The following GOLIM4 variants were observed in gnomAD, a reference collection of about 807,000 sequenced individuals.
The protein encoded by GOLIM4 is golgi integral membrane protein 4.
GOLIM4 carries 71 observed loss-of-function variants against 107.4 expected under a neutral mutation model. That is an observed-to-expected ratio of 0.66 (90% CI 0.55 to 0.81). The LOEUF (loss-of-function observed/expected upper bound fraction) is 0.81, where lower values mean the gene tolerates loss of function less well. Among genes scored for constraint, GOLIM4 ranks in the 30% least tolerant of loss-of-function variants. The pLI is 0.00. For synonymous variants in GOLIM4, 327 were observed against 294.8 expected, an observed-to-expected ratio of 1.11 and a Z score of -1.12; for missense variants, 830 against 826.1, an observed-to-expected ratio of 1.00 and a Z score of -0.06.
At chr3:168,061,963 T>A (rs1036354008) in intron 1 of GOLIM4, among the ~76,000 whole-genome samples, 4 of 152,208 alleles carry the variant, frequency 2.6e-5, no homozygotes, top group African/African-American at 9.6e-5. Context: ...ATTCGTGTAC[T>A]TTTGTGAATG....
intron 15 of GOLIM4, 86 bp downstream of exon 15, chr3:168,010,657 G>T: frequency 9.8e-7 from 1 of 1,015,268 alleles, no homozygotes; most frequent in Non-Finnish European, 1.5e-6. Flanking sequence ...CCACTGGTAC[G>T]TATCCCAAAT....
intron 14 of GOLIM4, among the ~76,000 whole-genome samples, chr3:168,022,372 CACA>C (rs1269992141): frequency 2.0e-5 from 3 of 151,958 alleles, no homozygotes; most frequent in African/African-American, 7.3e-5. Context: ...TGCACAGTTC[CACA>C]ACATTTCATG....
chr3:168,048,889 T>G (rs1205747383), intron 1 of GOLIM4, among the ~76,000 whole-genome samples: 1 of 152,078 alleles, frequency 6.6e-6, no homozygotes, highest in Non-Finnish European at 1.5e-5. Flanking sequence ...ACCACTGGAA[T>G]GAAAGAGGAG....
Position 168,095,447 on chromosome 3 carries a change from C to T in GOLIM4, c.-162G>A. 8 of 585,812 alleles carry T rather than the reference C, an allele frequency of 1.4e-5. No individual in the cohort carries two copies. The highest frequency in any genetic ancestry group is 2.3e-5 in the Non-Finnish European group (8 of 344,946). 36.3% of individuals were successfully genotyped at this position (585,812 alleles called of 1,614,324 possible). ...CGGAGGGGAAGTGGCGCCCGCTCAG[C>T]CCCCGCGCGGCGCGGGGCGCGCAGC... On this transcript the variant is annotated 5_prime_UTR_variant, in exon 1 of 16. Transcript: ENST00000470487.
intron 12 of GOLIM4, among the ~76,000 whole-genome samples, chr3:168,026,711 C>T (rs79488466): frequency 6.6e-6 from 1 of 152,296 alleles, no homozygotes; most frequent in East Asian, 1.9e-4. Context: ...TTTCTGCTCT[C>T]AAGTATTAGC....
chr3:168,046,121 C>T (rs1719289910), intron 3 of GOLIM4, among the ~76,000 whole-genome samples: 1 of 152,178 alleles, frequency 6.6e-6, no homozygotes, highest in Non-Finnish European at 1.5e-5. Flanking sequence ...AATCCTCCTG[C>T]CTCAGCCTCC....
intron 7 of GOLIM4, among the ~76,000 whole-genome samples, chr3:168,038,974 A>G (rs1718814288): frequency 6.6e-6 from 1 of 152,198 alleles, no homozygotes; most frequent in African/African-American, 2.4e-5. Flanking sequence ...AGAATTCAAC[A>G]GTCTGCAACC....
chr3:168,072,010 T>C (rs886449823), intron 1 of GOLIM4, among the ~76,000 whole-genome samples: 1 of 151,922 alleles, frequency 6.6e-6, no homozygotes, highest in Non-Finnish European at 1.5e-5. Flanking sequence ...AGAGAAAAAG[T>C]TTAATTTTAT....
At chr3:168,077,189 C>T (rs868762749) in intron 1 of GOLIM4, among the ~76,000 whole-genome samples, 17 of 152,132 alleles carry the variant, frequency 1.1e-4, no homozygotes, top group Admixed American at 3.3e-4. Flanking sequence ...ACTCATCATG[C>T]CAAATTCTTC....
chr3:168,043,323 A>C, intron 5 of GOLIM4, 56 bp downstream of exon 5: 1 of 1,232,302 alleles, frequency 8.1e-7, no homozygotes, highest in South Asian at 1.4e-5. Flanking sequence ...GTTGCACTGA[A>C]ACATTAATAT....
At position 168,009,430 on chromosome 3, in the gene GOLIM4, C is replaced by CAAAAAAAAACA. The variant is rs1553791610; in HGVS notation, c.*838_*839insTGTTTTTTTTT. The CAAAAAAAAACA allele has an allele frequency of 1.3e-5, 1 of 77,496 alleles. No individual in the cohort carries two copies. The highest frequency in any genetic ancestry group is 2.8e-5 in the Non-Finnish European group (1 of 35,462). 4.8% of individuals were successfully genotyped at this position (77,496 alleles called of 1,614,324 possible). On this transcript the variant is annotated 3_prime_UTR_variant, in exon 16 of 16. Coordinates refer to ENST00000470487, the MANE Select transcript of GOLIM4 (RefSeq NM_014498.5). ...AAGAATATCAATCAATGGCTTCAAA[C>CAAAAAAAAACA]AAAAAAAAAAAAAAAAAATTGAGAA... is the stretch of plus-strand genomic sequence containing the variant.
chr3:168,047,104 G>A, intron 2 of GOLIM4, 105 bp from the exon 3 acceptor site: 1 of 572,498 alleles, frequency 1.7e-6, no homozygotes, highest in Non-Finnish European at 3.1e-6. Flanking sequence ...AAGTGTTTTA[G>A]GTTTAAAACA....
rs754843716 is a variant in GOLIM4, at chr3:168,095,307, C to A, written c.-22G>T. Reference sequence around the variant, plus strand: ...CCATAGTCCCGCCTGGACCCAAAGCCGCGGCCGCCCCCGCCGTCTCCTCCC... The same window carrying A: ...CCATAGTCCCGCCTGGACCCAAAGCAGCGGCCGCCCCCGCCGTCTCCTCCC... On this transcript the variant is annotated 5_prime_UTR_variant, in exon 1 of 16. Transcript: ENST00000470487. The A allele has an allele frequency of 6.2e-7, 1 of 1,603,530 alleles. No individual in the cohort carries two copies.
chr3:168,009,443 A>AAAAAAAAAAAAAAAAAG lies in GOLIM4; in HGVS notation c.*825_*826insCTTTTTTTTTTTTTTTT, dbSNP rs1716866667. 1 of 149,644 alleles carries AAAAAAAAAAAAAAAAAG rather than the reference A, an allele frequency of 6.7e-6. No individual in the cohort carries two copies. Among genetic ancestry groups the AAAAAAAAAAAAAAAAAG allele is most frequent in the Non-Finnish European group, 1.5e-5 (1 of 67,252 alleles). 9.3% of individuals were successfully genotyped at this position (149,644 alleles called of 1,614,324 possible). On this transcript the variant is annotated 3_prime_UTR_variant, in exon 16 of 16. Coordinates refer to ENST00000470487, the MANE Select transcript of GOLIM4 (RefSeq NM_014498.5). ...AATGGCTTCAAACAAAAAAAAAAAA[A>AAAAAAAAAAAAAAAAAG]AAAAATTGAGAATGGGTGCTCGCAT...
intron 3 of GOLIM4, among the ~76,000 whole-genome samples, chr3:168,045,117 C>T (rs1719225226): frequency 6.6e-6 from 1 of 152,192 alleles, no homozygotes; most frequent in Admixed American, 6.5e-5. Flanking sequence ...AATCATAAAA[C>T]AGTAGCTTGA....
chr3:168,023,345 A>G (rs1717817370), intron 14 of GOLIM4, among the ~76,000 whole-genome samples: 1 of 152,204 alleles, frequency 6.6e-6, no homozygotes, highest in South Asian at 2.1e-4. Context: ...TTAGGATGAG[A>G]AACCAAAGAA....
chr3:168,076,100 T>A (rs1195801335), intron 1 of GOLIM4, among the ~76,000 whole-genome samples: 2 of 152,216 alleles, frequency 1.3e-5, no homozygotes, highest in Non-Finnish European at 2.9e-5. Context: ...AGAGACGACA[T>A]CTGCCTTTAT....
At chr3:168,055,504 A>G (rs1410550846) in intron 1 of GOLIM4, among the ~76,000 whole-genome samples, 1 of 152,214 alleles carries the variant, frequency 6.6e-6, no homozygotes, top group Non-Finnish European at 1.5e-5. Context: ...AAAGCATTCA[A>G]GAGGTGACTC....
At chr3:168,011,379 G>A (rs1409935135) in intron 14 of GOLIM4, among the ~76,000 whole-genome samples, 3 of 152,206 alleles carry the variant, frequency 2.0e-5, no homozygotes, top group African/African-American at 7.2e-5. Context: ...CCCGCACCTG[G>A]CTTGGAGGGT....
Sources: allele counts gnomAD v4.1 joint callset (sites outside exome capture counted in the v4.1 genomes callset), GRCh38; gene constraint gnomAD v4.1.1; transcripts MANE v1.5; gene names NCBI Gene and HGNC (gene_info 2026-07-23, HGNC 2026-07-21).